Variants in USP45 observed in about 807,000 individuals in gnomAD.
USP45 encodes the protein ubiquitin carboxyl-terminal hydrolase 45.
USP45 carries 89 observed loss-of-function variants against 95.8 expected under a neutral mutation model. The observed-to-expected ratio is 0.93, with a 90% CI of 0.78 to 1.11. The LOEUF (loss-of-function observed/expected upper bound fraction) is 1.11, where lower values mean the gene tolerates loss of function less well. Among genes scored for constraint, USP45 ranks in the 50% least tolerant of loss-of-function variants. The pLI, the probability that USP45 is intolerant of heterozygous loss-of-function variation, is 0.00. For synonymous variants in USP45, 281 were observed against 316.2 expected, an observed-to-expected ratio of 0.89 and a Z score of 1.18; for missense variants, 898 against 942.5, an observed-to-expected ratio of 0.95 and a Z score of 0.62.
In USP45 at chr6:99,466,696, C is replaced by A; in HGVS notation, c.1083G>T (p.Thr361=). Residue 361 remains threonine (T), a synonymous_variant, in exon 11 of 18, where the codon ACG becomes ACT. Coordinates refer to ENST00000500704, the MANE Select transcript of USP45 (RefSeq NM_001346022.3). ...CATTTGCACATTCTTCACACATGAC[C>A]GTGCTAGTTAATTCACCAATAAAGA... The part of the protein sequence containing the change: ...DRIFIGELTS[T]VMCEECANIS... The A allele has an allele frequency of 3.1e-6, 5 of 1,613,196 alleles. No individual in the cohort carries two copies. The highest frequency in any genetic ancestry group is 1.1e-5 in the South Asian group (1 of 91,028).
chr6:99,449,079 T>C (rs1209661750), intron 13 of USP45, among the ~76,000 whole-genome samples: 1 of 151,994 alleles, frequency 6.6e-6, no homozygotes, highest in African/African-American at 2.4e-5. Flanking sequence ...TGCCAAACTG[T>C]AAAGACCATC....
chr6:99,448,076 CCA>C lies in USP45; in HGVS notation c.1309-1615_1309-1614del, dbSNP rs575882433. Among the ~76,000 whole-genome samples the C allele has an allele frequency of 4.6e-5, 7 of 152,274 alleles. No individual in the cohort carries two copies. In the East Asian group the frequency reaches 1.3e-3, roughly 29 times the overall value. ...CATCAAAGACCAAAGGTAGATAAAA[CCA>C]CAAAGATGGGGAAAAAACAGAGCAG... On this transcript the variant is annotated intron_variant, in intron 13 of 17. Transcript: ENST00000500704.
At chr6:99,501,187 C>T (rs1410102693) in intron 5 of USP45, among the ~76,000 whole-genome samples, 2 of 145,374 alleles carry the variant, frequency 1.4e-5, no homozygotes, top group Non-Finnish European at 3.0e-5. Context: ...CTCTCACCTG[C>T]CCCCCCACAA....
intron 5 of USP45, among the ~76,000 whole-genome samples, chr6:99,495,470 ATC>A (rs779862691): frequency 3.9e-5 from 6 of 152,214 alleles, no homozygotes; most frequent in Non-Finnish European, 8.8e-5. Flanking sequence ...TTGAGAGTGT[ATC>A]TCCCTTAAAT....
chr6:99,468,647 C>A, intron 9 of USP45, 29 bp from the exon 10 acceptor site: 1 of 1,481,110 alleles, frequency 6.8e-7, no homozygotes, highest in South Asian at 1.2e-5. Flanking sequence ...AGATTCTGGT[C>A]TAATAATAGT....
intron 10 of USP45, among the ~76,000 whole-genome samples, chr6:99,467,611 G>T (rs546583515): frequency 6.6e-6 from 1 of 152,006 alleles, no homozygotes; most frequent in Admixed American, 6.5e-5. Flanking sequence ...TAATAATAAA[G>T]ATATTTCTTC....
At chr6:99,485,077 C>T (rs1299588038) in intron 7 of USP45, among the ~76,000 whole-genome samples, 1 of 151,544 alleles carries the variant, frequency 6.6e-6, no homozygotes, top group Non-Finnish European at 1.5e-5. Context: ...CGCCTGTAAT[C>T]CTAGCATTTT....
At position 99,488,419 on chromosome 6, in the gene USP45, G is replaced by C. The variant is rs1794472924; in HGVS notation, c.619-124C>G. ...CTATTTCAAAAAATATTAAGATTTA[G>C]TTGAGTACATTTTACATTTAGTAAA... On this transcript the variant is annotated intron_variant, in intron 6 of 17. Coordinates refer to ENST00000500704, the MANE Select transcript of USP45 (RefSeq NM_001346022.3). The C allele has an allele frequency of 4.2e-6, 3 of 715,780 alleles. No homozygotes were observed. The South Asian group carries it at 6.1e-5, about 15-fold the overall frequency. 44.3% of individuals were successfully genotyped at this position (715,780 alleles called of 1,614,324 possible).
chr6:99,498,370 A>G (rs1266859293), intron 5 of USP45, among the ~76,000 whole-genome samples: 2 of 152,238 alleles, frequency 1.3e-5, no homozygotes, highest in East Asian at 1.9e-4. Context: ...ATAAAAATCA[A>G]AAAGAATATA....
chr6:99,501,887 A>G, intron 5 of USP45: 3 of 1,249,276 alleles, frequency 2.4e-6, no homozygotes, highest in Non-Finnish European at 3.1e-6. Context: ...CAGAGCGACA[A>G]GAGTGTCTGT....
At chr6:99,487,729 A>G (rs1259295675) in intron 7 of USP45, among the ~76,000 whole-genome samples, 1 of 151,596 alleles carries the variant, frequency 6.6e-6, no homozygotes, top group Non-Finnish European at 1.5e-5. Context: ...CGGGAGGCGG[A>G]GCTTGCAGTG....
intron 5 of USP45, among the ~76,000 whole-genome samples, chr6:99,495,106 T>C (rs925562871): frequency 6.6e-6 from 1 of 152,134 alleles, no homozygotes; most frequent in African/African-American, 2.4e-5. Flanking sequence ...TAAACAAAGT[T>C]AAATATGGAA....
In USP45 at chr6:99,437,238, T is replaced by C. The variant is rs1780661906; in HGVS notation, c.2314+8A>G. ...TTTTAAGAATAAAATAAACTTAGGA[T>C]GGCATACCAGGCACATTTTTCTTTT... is the stretch of plus-strand genomic sequence containing the variant. On this transcript the variant is annotated splice_region_variant and intron_variant, in intron 17 of 17. Transcript: ENST00000500704. 1 of 1,597,134 alleles carries C rather than the reference T, an allele frequency of 6.3e-7. No individual in the cohort carries two copies. Among genetic ancestry groups the C allele is most frequent in the African/African-American group, 1.4e-5 (1 of 73,836 alleles).
chr6:99,469,656 A>AT (rs965201140), intron 9 of USP45, among the ~76,000 whole-genome samples: 6 of 150,934 alleles, frequency 4.0e-5, no homozygotes, highest in Non-Finnish European at 8.9e-5. Flanking sequence ...ATTTTTAAAA[A>AT]TTTTTTTGTA....
intron 13 of USP45, among the ~76,000 whole-genome samples, chr6:99,448,966 A>C (rs1457855733): frequency 1.3e-5 from 2 of 152,188 alleles, no homozygotes; most frequent in East Asian, 3.9e-4. Flanking sequence ...ACAGACAAGC[A>C]AATGCTGAGA....
chr6:99,465,563 ACT>A (rs1049849836), intron 11 of USP45, among the ~76,000 whole-genome samples: 2 of 152,146 alleles, frequency 1.3e-5, no homozygotes, highest in Non-Finnish European at 2.9e-5. Flanking sequence ...TTTAAAAGAT[ACT>A]CTCTATCTTG....
At chr6:99,458,092 C>T (rs1785492404) in intron 13 of USP45, among the ~76,000 whole-genome samples, 1 of 152,322 alleles carries the variant, frequency 6.6e-6, no homozygotes, top group East Asian at 1.9e-4. Flanking sequence ...GCAATCTCGG[C>T]TCACTGCAAC....
intron 7 of USP45, among the ~76,000 whole-genome samples, chr6:99,486,625 TTA>T (rs71701972): frequency 0.85 from 127,435 of 149,306 alleles, 55,097 homozygotes; most frequent in East Asian, 1. Context: ...AAGGAGGTTA[TTA>T]TATATATATA....
chr6:99,493,092 G>C (rs1263601559), intron 5 of USP45, among the ~76,000 whole-genome samples: 1 of 150,740 alleles, frequency 6.6e-6, no homozygotes, highest in Non-Finnish European at 1.5e-5. Context: ...GCAGTGGCAC[G>C]ATCTTGGCAC....
Sources: gnomAD v4.1 joint callset for allele counts (sites outside exome capture counted in the v4.1 genomes callset) on GRCh38, gnomAD v4.1.1 for gene constraint, MANE v1.5 for transcripts, NCBI Gene and HGNC (gene_info 2026-07-23, HGNC 2026-07-21) for gene names.